Variants in MFHAS1 observed in about 807,000 individuals in gnomAD.
The protein encoded by MFHAS1 is multifunctional ROCO family signaling regulator 1.
In MFHAS1, 50 loss-of-function variants were observed where a neutral mutation model predicts 70.4. The observed-to-expected ratio is 0.71, with a 90% confidence interval of 0.57 to 0.90. MFHAS1 has a LOEUF of 0.90. Ranked by LOEUF, MFHAS1 falls within the 40% of genes least tolerant of loss-of-function variation. The pLI is 0.00. For missense variants in MFHAS1, 1,795 were observed against 1,347.6 expected (o/e 1.33, Z -5.20); for synonymous variants, 952 against 620.0 (o/e 1.54, Z -7.96).
chr8:8,819,588 A>C (rs1806870346), intron 1 of MFHAS1, among the ~76,000 whole-genome samples: 1 of 147,722 alleles, frequency 6.8e-6, no homozygotes. Context: ...TAGGCGACAG[A>C]GCAAGACTCC....
chr8:8,842,493 G>GTTAGCAT (rs1478176974), intron 1 of MFHAS1, among the ~76,000 whole-genome samples: 5 of 152,004 alleles, frequency 3.3e-5, no homozygotes, highest in Non-Finnish European at 7.4e-5. Flanking sequence ...CCGACCCCAC[G>GTTAGCAT]TCTGATTTTG....
chr8:8,877,549 C>T (rs1444578222), intron 1 of MFHAS1, among the ~76,000 whole-genome samples: 1 of 152,112 alleles, frequency 6.6e-6, no homozygotes, highest in Non-Finnish European at 1.5e-5. Flanking sequence ...CAGAGGCATG[C>T]GGCTCTCTGG....
intron 1 of MFHAS1, among the ~76,000 whole-genome samples, chr8:8,867,643 C>T (rs571194356): frequency 1.1e-4 from 16 of 151,870 alleles, no homozygotes; most frequent in South Asian, 6.2e-4. Flanking sequence ...CCAAAAGCTC[C>T]GCCTCCCGGG....
intron 1 of MFHAS1, among the ~76,000 whole-genome samples, chr8:8,871,337 G>T (rs1341952752): frequency 6.6e-6 from 1 of 152,178 alleles, no homozygotes; most frequent in Non-Finnish European, 1.5e-5. Flanking sequence ...ATCACTTGAG[G>T]TCGGGAGTTT....
intron 1 of MFHAS1, among the ~76,000 whole-genome samples, chr8:8,831,788 T>C (rs1334407267): frequency 6.6e-6 from 1 of 152,046 alleles, no homozygotes; most frequent in Non-Finnish European, 1.5e-5. Context: ...TTTATATTTT[T>C]AGTAGAGACG....
intron 1 of MFHAS1, among the ~76,000 whole-genome samples, chr8:8,847,881 T>A (rs1388183486): frequency 6.6e-6 from 1 of 152,216 alleles, no homozygotes; most frequent in Non-Finnish European, 1.5e-5. Context: ...CTGAACAACC[T>A]CAATTTCACA....
chr8:8,882,798 C>G (rs1469398879), intron 1 of MFHAS1, among the ~76,000 whole-genome samples: 1 of 152,108 alleles, frequency 6.6e-6, no homozygotes. Context: ...GTGAAGGCTG[C>G]CAGCCCCCAG....
intron 1 of MFHAS1, among the ~76,000 whole-genome samples, chr8:8,843,685 G>A (rs1160947580): frequency 6.6e-6 from 1 of 152,192 alleles, no homozygotes; most frequent in African/African-American, 2.4e-5. Context: ...CAGGTCCGGT[G>A]TGGAAGAAGC....
At chr8:8,815,283 T>C (rs952120081) in intron 1 of MFHAS1, among the ~76,000 whole-genome samples, 1 of 152,208 alleles carries the variant, frequency 6.6e-6, no homozygotes, top group African/African-American at 2.4e-5. Flanking sequence ...GCATTTGGGT[T>C]GATTCCACGT....
intron 2 of MFHAS1, among the ~76,000 whole-genome samples, chr8:8,786,420 C>T (rs1805544663): frequency 2.6e-5 from 4 of 152,158 alleles, no homozygotes; most frequent in South Asian, 2.1e-4. Flanking sequence ...TAAACACACA[C>T]GGTCACACGC....
At chr8:8,862,426 T>A (rs1563209229) in intron 1 of MFHAS1, among the ~76,000 whole-genome samples, 2 of 151,948 alleles carry the variant, frequency 1.3e-5, no homozygotes, top group Non-Finnish European at 2.9e-5. Context: ...TTTCAAATAT[T>A]TTCTCCTAGA....
At chr8:8,858,653 G>C (rs1260469013) in intron 1 of MFHAS1, among the ~76,000 whole-genome samples, 1 of 152,046 alleles carries the variant, frequency 6.6e-6, no homozygotes, top group Admixed American at 6.6e-5. Context: ...TATATGGGGG[G>C]TTGGGTTCTA....
rs1313331641 is a variant in MFHAS1, at chr8:8,785,039, C to G, written c.*983G>C. Reference sequence around the variant, plus strand: ...TGTGGAAGGTCTACAAAGAGCTCTGCTAATAAGTAATATGTTTGCAAAGTG... The same window carrying G: ...TGTGGAAGGTCTACAAAGAGCTCTGGTAATAAGTAATATGTTTGCAAAGTG... On this transcript the variant is annotated 3_prime_UTR_variant, in exon 3 of 3. Coordinates refer to ENST00000276282, the MANE Select transcript of MFHAS1 (RefSeq NM_004225.3). 6.6e-6 allele frequency: 1 copy of G among 152,140 alleles called. No homozygotes were observed. Among genetic ancestry groups the G allele is most frequent in the African/African-American group, 2.4e-5 (1 of 41,426 alleles). 9.4% of individuals were successfully genotyped at this position (152,140 alleles called of 1,614,324 possible).
At chr8:8,792,589 G>A (rs897195989) in intron 2 of MFHAS1, among the ~76,000 whole-genome samples, 1 of 152,202 alleles carries the variant, frequency 6.6e-6, no homozygotes, top group Non-Finnish European at 1.5e-5. Flanking sequence ...CTGGGCTACA[G>A]AGTGAGACTT....
chr8:8,861,992 T>C (rs1444002029), intron 1 of MFHAS1, among the ~76,000 whole-genome samples: 2 of 152,258 alleles, frequency 1.3e-5, no homozygotes, highest in Non-Finnish European at 2.9e-5. Flanking sequence ...AAAGCTGTTA[T>C]GAACATTTGT....
chr8:8,789,725 G>A (rs971424276), intron 2 of MFHAS1, among the ~76,000 whole-genome samples: 3 of 152,120 alleles, frequency 2.0e-5, no homozygotes, highest in Non-Finnish European at 2.9e-5. Context: ...CAATTTGCCC[G>A]GAGTATACTC....
At chr8:8,848,168 G>A (rs576955614) in intron 1 of MFHAS1, among the ~76,000 whole-genome samples, 41 of 152,266 alleles carry the variant, frequency 2.7e-4, no homozygotes, top group Admixed American at 7.2e-4. Context: ...CCTTTTAGCC[G>A]AGCTCCCAGA....
chr8:8,871,394 A>G (rs1438082957), intron 1 of MFHAS1, among the ~76,000 whole-genome samples: 1 of 152,204 alleles, frequency 6.6e-6, no homozygotes, highest in Non-Finnish European at 1.5e-5. Context: ...TACTAAAAAT[A>G]CAAAAATTAG....
chr8:8,857,840 T>C (rs1808502418), intron 1 of MFHAS1, among the ~76,000 whole-genome samples: 2 of 152,236 alleles, frequency 1.3e-5, no homozygotes, highest in African/African-American at 4.8e-5. Flanking sequence ...ACAAGTTAAC[T>C]TTTAAAATAC....
Sources: allele counts gnomAD v4.1 joint callset (sites outside exome capture counted in the v4.1 genomes callset), GRCh38; gene constraint gnomAD v4.1.1; transcripts MANE v1.5; gene names NCBI Gene and HGNC (gene_info 2026-07-23, HGNC 2026-07-21).